EPB41L3: variants seen among roughly 807,000 people sequenced by gnomAD.
The protein encoded by EPB41L3 is band 4.1-like protein 3.
A neutral mutation model predicts 127.1 loss-of-function variants in EPB41L3; 57 were observed. The ratio of observed to expected loss-of-function variants is 0.45; its 90% confidence interval spans 0.36 to 0.56. The LOEUF is 0.56. Among genes scored for constraint, EPB41L3 ranks in the 20% least tolerant of loss-of-function variants. The pLI is 0.00. For synonymous variants in EPB41L3, 572 were observed against 549.5 expected (o/e 1.04, Z -0.57); for missense variants, 1,273 against 1,372.2 (o/e 0.93, Z 1.14).
intron 8 of EPB41L3, chr18:5,431,426 T>C (rs1399340302): frequency 2.6e-5 from 4 of 152,246 alleles, no homozygotes; most frequent in Admixed American, 1.3e-4. Flanking sequence ...TTATCTGTTA[T>C]ACTTAATATT....
upstream of EPB41L3, among the ~76,000 whole-genome samples, chr18:5,548,011 T>G (rs550600381): frequency 9.2e-5 from 14 of 152,336 alleles, no homozygotes; most frequent in South Asian, 1.0e-3. Flanking sequence ...CTAATAGACA[T>G]TCACACTCAT....
intron 6 of EPB41L3, 117 bp downstream of exon 6, chr18:5,437,918 C>T (rs527553139): frequency 1.4e-4 from 117 of 816,628 alleles, no homozygotes; most frequent in Admixed American, 2.3e-4. Flanking sequence ...TTTTGTTTGC[C>T]ATTTGAGCGT....
At chr18:5,442,762 C>G (rs184175647) in intron 5 of EPB41L3, among the ~76,000 whole-genome samples, 160 of 152,212 alleles carry the variant, frequency 1.1e-3, no homozygotes, top group African/African-American at 3.5e-3. Context: ...AAAGTAAGAG[C>G]TATCGGAAAG....
chr18:5,397,339 C>T lies in EPB41L3; in HGVS notation c.2560G>A (p.Glu854Lys), dbSNP rs748240052. The part of the protein sequence containing the change: ...LPLSTEKVVQ[E>K]TVLVEERRVV... Reference sequence around the variant, plus strand: ...CGCCGCTCCTCCACCAACACGGTCTCCTGCACCACCTTCTCAGTGCTAAGC... The same window carrying T: ...CGCCGCTCCTCCACCAACACGGTCTTCTGCACCACCTTCTCAGTGCTAAGC... Residue 854 changes from glutamate (E) to lysine (K), a missense_variant, in exon 18 of 23, where the codon GAG becomes AAG. Glu to Lys is a moderately conservative substitution (Grantham distance 56). Around this residue, in one of 3 missense-constraint regions of EPB41L3, gnomAD observed 765 missense variants for 782.9 expected, o/e 0.98. Coordinates refer to ENST00000341928, the MANE Select transcript of EPB41L3 (RefSeq NM_012307.5). This position sits in a 1 kb window ranked among gnomAD's most constrained non-coding sequence, Gnocchi z 4.1. 2.5e-6 allele frequency: 4 copies of T among 1,614,062 alleles called. No homozygotes were observed. The highest frequency in any genetic ancestry group is 3.4e-6 in the Non-Finnish European group (4 of 1,180,038).
upstream of EPB41L3, among the ~76,000 whole-genome samples, chr18:5,548,408 G>A (rs192806585): frequency 1.3e-5 from 2 of 152,248 alleles, no homozygotes; most frequent in Admixed American, 6.5e-5. Flanking sequence ...ATAAAGTATT[G>A]ATAAGTATAA....
intron 3 of EPB41L3, among the ~76,000 whole-genome samples, chr18:5,556,907 G>A (rs149084053): frequency 2.5e-3 from 376 of 152,302 alleles, no homozygotes; most frequent in African/African-American, 8.5e-3. Context: ...GCCATATAAT[G>A]GTGTGTCACG....
At chr18:5,488,898 A>G in intron 2 of EPB41L3, 103 bp downstream of exon 2, 1 of 1,260,756 alleles carries the variant, frequency 7.9e-7, no homozygotes, top group Non-Finnish European at 1.1e-6. Context: ...GGAACAGCAG[A>G]TGACCCCTCA....
At chr18:5,449,443 A>C (rs927813661) in intron 3 of EPB41L3, among the ~76,000 whole-genome samples, 5 of 152,156 alleles carry the variant, frequency 3.3e-5, no homozygotes, top group Non-Finnish European at 5.9e-5. Context: ...AACTAAACCT[A>C]TTCTTGCAGT....
rs570390369 is a variant in EPB41L3 at position 5,605,547 on chromosome 18, G to A, written c.-306+6793C>T. Among the ~76,000 whole-genome samples, 19 of 151,996 alleles carry A rather than the reference G, an allele frequency of 1.3e-4. 1 individual carries two copies. Among genetic ancestry groups the A allele is most frequent in the South Asian group, 4.2e-4 (2 of 4,798 alleles). ...GTACACACCACCACACCTGGCTGATGTTTATTTTATTTTATTTTTAGTAGT... is the reference window on the plus strand; with the variant it reads ...GTACACACCACCACACCTGGCTGATATTTATTTTATTTTATTTTTAGTAGT... On this transcript the variant is annotated intron_variant, in intron 3 of 21. Coordinates refer to the EPB41L3 transcript ENST00000545076.
chr18:5,421,347 A>G (rs147885614), intron 11 of EPB41L3, among the ~76,000 whole-genome samples: 140 of 152,374 alleles, frequency 9.2e-4, no homozygotes, highest in South Asian at 3.3e-3. Flanking sequence ...TCAAATACTG[A>G]TAACATATAG....
intron 1 of EPB41L3, among the ~76,000 whole-genome samples, chr18:5,514,582 C>G (rs907768521): frequency 5.3e-5 from 8 of 152,294 alleles, no homozygotes; most frequent in African/African-American, 1.9e-4. Flanking sequence ...ATGTGTGTAT[C>G]TGCTTTATTT....
chr18:5,563,256 G>A (rs1568578321), intron 3 of EPB41L3, among the ~76,000 whole-genome samples: 1 of 152,300 alleles, frequency 6.6e-6, no homozygotes, highest in East Asian at 1.9e-4. Flanking sequence ...TGCACATTGA[G>A]ATAAGTCCTT....
At chr18:5,435,072 C>T (rs573986058) in intron 6 of EPB41L3, among the ~76,000 whole-genome samples, 1 of 151,838 alleles carries the variant, frequency 6.6e-6, no homozygotes, top group African/African-American at 2.4e-5. Flanking sequence ...AAAGTAAAAA[C>T]AAATTATAAA....
chr18:5,433,480 G>A lies in EPB41L3; in HGVS notation c.901C>T (p.His301Tyr). 6.2e-7 allele frequency: 1 copy of A among 1,611,944 alleles called. No homozygotes were observed. The highest frequency in any genetic ancestry group is 8.5e-7 in the Non-Finnish European group (1 of 1,178,386). ...KKLSMYGVDL[H>Y]HAKDSEGVEI... ...AAAAAGATGCATACCTTAGCATGAT[G>A]TAAATCTACCCCATACATTGATAAT... Residue 301 changes from histidine to tyrosine, a missense_variant, in exon 8 of 23, where the codon CAT becomes TAT. Transcript: ENST00000341928.
chr18:5,621,375 T>G (rs1039054527), intron 1 of EPB41L3, among the ~76,000 whole-genome samples: 2 of 152,168 alleles, frequency 1.3e-5, no homozygotes, highest in Non-Finnish European at 2.9e-5. Flanking sequence ...TTTATTAAAG[T>G]TATTAAGCTG....
At position 5,561,197 on chromosome 18, in the gene EPB41L3, A is replaced by T. The variant is rs537076738; in HGVS notation, c.-306+51143T>A. Among the ~76,000 whole-genome samples the T allele has an allele frequency of 4.3e-3, 648 of 151,832 alleles. 2 individuals carry two copies. Among genetic ancestry groups the T allele is most frequent in the South Asian group, 8.7e-3 (42 of 4,810 alleles). ...TTTCACCGTATTAGCCAGGATGGTCAAGATCTCCTGACCTCGTGATCCGCC... is the reference window on the plus strand; with the variant it reads ...TTTCACCGTATTAGCCAGGATGGTCTAGATCTCCTGACCTCGTGATCCGCC... On this transcript the variant is annotated intron_variant, in intron 3 of 21. Coordinates refer to the EPB41L3 transcript ENST00000545076.
chr18:5,450,748 A>G (rs1284086355), intron 3 of EPB41L3, among the ~76,000 whole-genome samples: 1 of 152,230 alleles, frequency 6.6e-6, no homozygotes, highest in Non-Finnish European at 1.5e-5. Context: ...TTAACCTGAT[A>G]ATTCTCCACT....
At chr18:5,560,423 T>G (rs1719990) in intron 3 of EPB41L3, among the ~76,000 whole-genome samples, 108,864 of 152,104 alleles carry the variant, frequency 0.72, 39,887 homozygotes, top group Non-Finnish European at 0.8. Flanking sequence ...TCTAAACTAT[T>G]TTGGCAGTAC....
intron 3 of EPB41L3, among the ~76,000 whole-genome samples, chr18:5,474,325 A>G (rs1193467923): frequency 6.6e-6 from 1 of 152,198 alleles, no homozygotes; most frequent in African/African-American, 2.4e-5. Flanking sequence ...ACGATCTGAA[A>G]AGGCTAGCAT....
Sources: allele counts gnomAD v4.1 joint callset (sites outside exome capture counted in the v4.1 genomes callset), GRCh38; gene constraint gnomAD v4.1.1; regional missense constraint gnomAD v4.1.1; non-coding constraint Gnocchi (gnomAD v3.1); transcripts MANE v1.5; gene names NCBI Gene and HGNC (gene_info 2026-07-23, HGNC 2026-07-21).